TBC1D32: variants seen among roughly 807,000 people sequenced by gnomAD.
TBC1D32 encodes protein broad-minded.
In TBC1D32, 151 loss-of-function variants were observed where a neutral mutation model predicts 170.3. The observed-to-expected ratio is 0.89, with a 90% CI of 0.78 to 1.01. The LOEUF (loss-of-function observed/expected upper bound fraction) is 1.01. Among genes scored for constraint, TBC1D32 ranks in the 50% least tolerant of loss-of-function variants. The probability of loss-of-function intolerance (pLI) is 0.00; values close to 1 mark genes in which losing one functional copy is unlikely to be tolerated. For missense variants in TBC1D32, 1,464 were observed against 1,457.1 expected, an observed-to-expected ratio of 1.00 and a Z score of -0.08; for synonymous variants, 498 against 488.0, an observed-to-expected ratio of 1.02 and a Z score of -0.27.
chr6:121,139,023 T>C (rs958235027), intron 24 of TBC1D32, among the ~76,000 whole-genome samples: 1 of 152,064 alleles, frequency 6.6e-6, no homozygotes, highest in Non-Finnish European at 1.5e-5. Flanking sequence ...TTTTTTTGTA[T>C]TTTTAGTAGA....
chr6:121,256,826 T>C (rs1380093922), intron 15 of TBC1D32, among the ~76,000 whole-genome samples: 1 of 151,968 alleles, frequency 6.6e-6, no homozygotes, highest in East Asian at 1.9e-4. Context: ...CATGCTACCA[T>C]GCCTGGCTAA....
At chr6:121,299,851 A>G (rs80014923) in intron 9 of TBC1D32, among the ~76,000 whole-genome samples, 64 of 152,332 alleles carry the variant, frequency 4.2e-4, no homozygotes, top group Middle Eastern at 6.8e-3. Context: ...GGGAAAAAAA[A>G]TTAAAAAGCA....
intron 17 of TBC1D32, among the ~76,000 whole-genome samples, 157 bp downstream of exon 17, chr6:121,255,171 T>C (rs894222449): frequency 6.6e-6 from 1 of 151,918 alleles, no homozygotes; most frequent in Non-Finnish European, 1.5e-5. Flanking sequence ...TATTACATGA[T>C]CTCTAAAGTT....
intron 15 of TBC1D32, among the ~76,000 whole-genome samples, chr6:121,268,172 C>T (rs763681384): frequency 3.1e-4 from 47 of 152,132 alleles, no homozygotes; most frequent in Non-Finnish European, 2.2e-4. Flanking sequence ...AGCAGAAAAG[C>T]GAAAATTCTA....
Position 121,334,264 on chromosome 6 carries a change from A to G in TBC1D32, c.155+12T>C, listed in dbSNP as rs1289275992. On this transcript the variant is annotated intron_variant, in intron 1 of 31. Coordinates refer to ENST00000398212, the MANE Select transcript of TBC1D32 (RefSeq NM_152730.6). ...ATGGTTTATAGGCTTAAAACATCAA[A>G]AGCAATTTTACTTGTGAAAATTTTC... 5.6e-6 allele frequency: 9 copies of G among 1,612,924 alleles called. No homozygotes were observed. Among genetic ancestry groups the G allele is most frequent in the Non-Finnish European group, 7.6e-6 (9 of 1,179,050 alleles).
In TBC1D32 at chr6:121,094,295, G is replaced by T. The variant is rs150486815; in HGVS notation, c.3466-3254C>A. On this transcript the variant is annotated intron_variant, in intron 30 of 31. Coordinates refer to ENST00000398212, the MANE Select transcript of TBC1D32 (RefSeq NM_152730.6). Reference sequence around the variant, plus strand: ...TGATTCTCATGCCTCAGCCTCTTGAGTAGGTGGGATTACAGGTGTGTGCCA... The same window carrying T: ...TGATTCTCATGCCTCAGCCTCTTGATTAGGTGGGATTACAGGTGTGTGCCA... Among the ~76,000 whole-genome samples, 262 of 151,948 alleles carry T rather than the reference G, an allele frequency of 1.7e-3. 5 individuals are homozygous for T. The East Asian group carries it at 0.039, about 23-fold the overall frequency.
At chr6:121,152,686 G>A (rs1213382285) in intron 24 of TBC1D32, among the ~76,000 whole-genome samples, 1 of 152,018 alleles carries the variant, frequency 6.6e-6, no homozygotes, top group African/African-American at 2.4e-5. Flanking sequence ...TTTTTTGGAG[G>A]CTTTGTTCAT....
intron 20 of TBC1D32, among the ~76,000 whole-genome samples, chr6:121,234,030 A>G (rs1282347641): frequency 6.6e-6 from 1 of 152,158 alleles, no homozygotes; most frequent in Non-Finnish European, 1.5e-5. Flanking sequence ...TGAGGCTAAA[A>G]ATAGGACCCC....
chr6:121,245,568 A>T (rs879309279), intron 17 of TBC1D32, among the ~76,000 whole-genome samples: 7 of 152,206 alleles, frequency 4.6e-5, no homozygotes, highest in African/African-American at 1.7e-4. Context: ...ATAGGCAGAC[A>T]GCCTCTGTGA....
intron 22 of TBC1D32, among the ~76,000 whole-genome samples, chr6:121,183,223 G>A (rs1407795461): frequency 6.6e-6 from 1 of 152,084 alleles, no homozygotes; most frequent in African/African-American, 2.4e-5. Flanking sequence ...AGGAAAGACA[G>A]TAAAATTCCC....
Position 121,239,778 on chromosome 6 carries a change from C to A in TBC1D32, c.2246-590G>T, listed in dbSNP as rs1039474719. On this transcript the variant is annotated intron_variant, in intron 19 of 31. Coordinates refer to ENST00000398212, the MANE Select transcript of TBC1D32 (RefSeq NM_152730.6). ...CAACTAAACGAAAATGAATATAAAACCTGATTCTCAAATTAGTCTATTAAA... is the reference window on the plus strand; with the variant it reads ...CAACTAAACGAAAATGAATATAAAAACTGATTCTCAAATTAGTCTATTAAA... Among the ~76,000 whole-genome samples the A allele has an allele frequency of 1.4e-4, 21 of 151,920 alleles. 2 individuals carry two copies. Among genetic ancestry groups the A allele is most frequent in the Admixed American group, 1.2e-3 (19 of 15,246 alleles).
At chr6:121,310,610 G>C (rs1443987638) in intron 4 of TBC1D32, among the ~76,000 whole-genome samples, 169 bp downstream of exon 4, 1 of 152,110 alleles carries the variant, frequency 6.6e-6, no homozygotes, top group Non-Finnish European at 1.5e-5. Context: ...CCCTTATTCT[G>C]TGACTTTTCA....
intron 5 of TBC1D32, among the ~76,000 whole-genome samples, chr6:121,305,183 C>T (rs564079011): frequency 1.7e-4 from 26 of 151,984 alleles, no homozygotes; most frequent in South Asian, 4.2e-4. Flanking sequence ...TTTAACACCC[C>T]GTATTTCCAA....
chr6:121,114,804 T>A (rs1432406520), intron 27 of TBC1D32, among the ~76,000 whole-genome samples: 4 of 152,232 alleles, frequency 2.6e-5, no homozygotes, highest in Non-Finnish European at 5.9e-5. Flanking sequence ...TTTTAACTTC[T>A]GCATCTGTCC....
chr6:121,210,349 A>T, intron 21 of TBC1D32, among the ~76,000 whole-genome samples: 1 of 152,236 alleles, frequency 6.6e-6, no homozygotes. Flanking sequence ...TCAGACAAAT[A>T]TCTAAATTTT....
intron 26 of TBC1D32, among the ~76,000 whole-genome samples, chr6:121,120,446 A>C (rs981569644): frequency 3.3e-5 from 5 of 152,094 alleles, no homozygotes; most frequent in African/African-American, 1.2e-4. Context: ...AAAGAGAGCT[A>C]TACGAATTGG....
chr6:121,278,779 A>G (rs1172025785), intron 15 of TBC1D32, among the ~76,000 whole-genome samples: 2 of 152,116 alleles, frequency 1.3e-5, no homozygotes, highest in East Asian at 3.8e-4. Flanking sequence ...CTAGAAGTGT[A>G]AACACAAAAA....
chr6:121,279,292 T>C (rs754246788), intron 14 of TBC1D32, 47 bp from the exon 15 acceptor site: 1 of 1,580,164 alleles, frequency 6.3e-7, no homozygotes. Context: ...TTTTATGACA[T>C]GCTAACATAT....
At chr6:121,213,238 T>C (rs1012245255) in intron 21 of TBC1D32, among the ~76,000 whole-genome samples, 17 of 152,024 alleles carry the variant, frequency 1.1e-4, no homozygotes, top group Admixed American at 3.3e-4. Flanking sequence ...GTCATCCAAA[T>C]AGGAAGACAG....
Sources: gnomAD v4.1 joint callset for allele counts (sites outside exome capture counted in the v4.1 genomes callset) on GRCh38, gnomAD v4.1.1 for gene constraint, MANE v1.5 for transcripts, NCBI Gene and HGNC (gene_info 2026-07-23, HGNC 2026-07-21) for gene names.